LDB2: variants seen among roughly 807,000 people sequenced by gnomAD.
The protein encoded by LDB2 is LIM domain-binding protein 2.
A neutral mutation model predicts 44.3 loss-of-function variants in LDB2; 12 were observed. The observed-to-expected ratio is 0.27, with a 90% CI of 0.17 to 0.44. LDB2 has a LOEUF of 0.44. LDB2 is among the 20% of genes least tolerant of loss of function. The pLI is 1.00. For synonymous variants in LDB2, 164 were observed against 174.8 expected (o/e 0.94, Z 0.49); for missense variants, 344 against 473.5 (o/e 0.73, Z 2.54).
intron 2 of LDB2, among the ~76,000 whole-genome samples, chr4:16,687,829 A>T (rs1052477426): frequency 6.6e-6 from 1 of 152,192 alleles, no homozygotes; most frequent in African/African-American, 2.4e-5. Context: ...TCAGGAAGAG[A>T]AGTTAGCACG....
intron 2 of LDB2, chr4:16,752,263 T>C (rs748505755): frequency 1.9e-5 from 6 of 313,626 alleles, no homozygotes; most frequent in African/African-American, 4.5e-5. Context: ...ACTCTTTACA[T>C]ATAAGTTGCC....
intron 2 of LDB2, among the ~76,000 whole-genome samples, chr4:16,611,066 C>T (rs1725472269): frequency 6.6e-6 from 1 of 152,084 alleles, no homozygotes; most frequent in Admixed American, 6.6e-5. Context: ...ATATTCAACA[C>T]TATTAAAGTA....
At chr4:16,655,174 T>C (rs1739419812) in intron 2 of LDB2, among the ~76,000 whole-genome samples, 1 of 152,152 alleles carries the variant, frequency 6.6e-6, no homozygotes, top group African/African-American at 2.4e-5. Flanking sequence ...GAGCCCAGCA[T>C]GTGGAAGCAC....
At chr4:16,851,992 A>G (rs543168028) in intron 1 of LDB2, among the ~76,000 whole-genome samples, 1 of 152,332 alleles carries the variant, frequency 6.6e-6, no homozygotes, top group South Asian at 2.1e-4. Context: ...CTTTTACCAT[A>G]AAAGAAACAG....
rs112899441 is a variant in LDB2 at position 16,842,032 on chromosome 4, T to C, written c.132+56322A>G. 4.4e-4 allele frequency among the ~76,000 whole-genome samples: 67 copies of C among 152,310 alleles called. 3 individuals are homozygous for C. Among genetic ancestry groups the C allele is most frequent in the African/African-American group, 1.5e-3 (63 of 41,574 alleles). On this transcript the variant is annotated intron_variant, in intron 1 of 7. Coordinates refer to ENST00000304523, the MANE Select transcript of LDB2 (RefSeq NM_001290.5). ...TAAAGGTGTATTGCTGGGTACCTCT[T>C]GGGGAACTCATCTATTTTCATGGCT...
At chr4:16,842,159 T>C (rs1045691645) in intron 1 of LDB2, among the ~76,000 whole-genome samples, 1 of 152,164 alleles carries the variant, frequency 6.6e-6, no homozygotes, top group Admixed American at 6.5e-5. Context: ...TCAACAGATA[T>C]AAAGCATAAT....
intron 1 of LDB2, among the ~76,000 whole-genome samples, chr4:16,845,439 G>A (rs781314457): frequency 7.9e-5 from 12 of 152,160 alleles, no homozygotes; most frequent in African/African-American, 2.7e-4. Flanking sequence ...AATAGGCAAA[G>A]CTTACTTTTC....
chr4:16,594,317 C>T (rs903994983), intron 3 of LDB2, among the ~76,000 whole-genome samples: 3 of 152,144 alleles, frequency 2.0e-5, no homozygotes, highest in African/African-American at 7.2e-5. Context: ...TCTGCATCTC[C>T]AGAATGAAGT....
At chr4:16,875,710 G>A (rs773184336) in intron 1 of LDB2, among the ~76,000 whole-genome samples, 3 of 152,192 alleles carry the variant, frequency 2.0e-5, no homozygotes, top group African/African-American at 4.8e-5. Flanking sequence ...GCTGCAGAGC[G>A]AAGAGACATT....
intron 2 of LDB2, among the ~76,000 whole-genome samples, chr4:16,727,843 T>A (rs1759851995): frequency 2.6e-5 from 4 of 152,192 alleles, no homozygotes; most frequent in Admixed American, 2.6e-4. Flanking sequence ...TGAATTGACA[T>A]ATAATAATGA....
intron 1 of LDB2, among the ~76,000 whole-genome samples, chr4:16,766,662 C>G (rs368399917): frequency 6.6e-6 from 1 of 151,628 alleles, no homozygotes; most frequent in African/African-American, 2.4e-5. Context: ...CCCACCACCA[C>G]GCCCAGCTAA....
intron 5 of LDB2, among the ~76,000 whole-genome samples, chr4:16,549,642 G>A (rs190138831): frequency 5.3e-5 from 8 of 152,204 alleles, no homozygotes; most frequent in South Asian, 4.1e-4. Context: ...AGACCAAGGC[G>A]CACCTCTGTT....
At chr4:16,522,726 G>A (rs934338823) in intron 5 of LDB2, among the ~76,000 whole-genome samples, 16 of 152,102 alleles carry the variant, frequency 1.1e-4, no homozygotes, top group African/African-American at 3.9e-4. Context: ...AAAAATATTG[G>A]TCACTCTGTC....
At chr4:16,565,123 C>G (rs958991077) in intron 5 of LDB2, among the ~76,000 whole-genome samples, 1 of 152,054 alleles carries the variant, frequency 6.6e-6, no homozygotes, top group Non-Finnish European at 1.5e-5. Flanking sequence ...ATTAGTTTTA[C>G]AGACAGGAAA....
At chr4:16,678,411 A>C (rs1746890220) in intron 2 of LDB2, among the ~76,000 whole-genome samples, 1 of 152,182 alleles carries the variant, frequency 6.6e-6, no homozygotes, top group Non-Finnish European at 1.5e-5. Context: ...CTAGTTGTTC[A>C]TCAAGTGTCT....
intron 1 of LDB2, among the ~76,000 whole-genome samples, chr4:16,861,595 C>T (rs960012993): frequency 1.3e-5 from 2 of 152,224 alleles, no homozygotes; most frequent in Non-Finnish European, 2.9e-5. Context: ...CTAACCTTCT[C>T]GCCAGTCCCA....
At chr4:16,609,686 C>T (rs1408785331) in intron 2 of LDB2, among the ~76,000 whole-genome samples, 1 of 152,192 alleles carries the variant, frequency 6.6e-6, no homozygotes, top group African/African-American at 2.4e-5. Context: ...GGCTCAGGGG[C>T]AGAATTCAGA....
intron 2 of LDB2, among the ~76,000 whole-genome samples, chr4:16,744,543 C>T (rs1764000688): frequency 6.6e-6 from 1 of 151,872 alleles, no homozygotes; most frequent in South Asian, 2.1e-4. Flanking sequence ...GGCTTGATCT[C>T]AGCTGACTGC....
intron 5 of LDB2, among the ~76,000 whole-genome samples, chr4:16,538,495 G>A (rs1189291939): frequency 2.8e-5 from 4 of 144,852 alleles, no homozygotes; most frequent in African/African-American, 5.0e-5. Flanking sequence ...TTCTTAAGAC[G>A]TTTCTACAGC....
Sources: gnomAD v4.1 joint callset for allele counts (sites outside exome capture counted in the v4.1 genomes callset) on GRCh38, gnomAD v4.1.1 for gene constraint, MANE v1.5 for transcripts, NCBI Gene and HGNC (gene_info 2026-07-23, HGNC 2026-07-21) for gene names.